The following KIF21B variants were observed in gnomAD, a reference collection of about 807,000 sequenced individuals.
The protein encoded by KIF21B is kinesin family member 21B.
KIF21B carries 85 observed loss-of-function variants against 192.9 expected under a neutral mutation model. The ratio of observed to expected loss-of-function variants is 0.44; its 90% confidence interval spans 0.37 to 0.53. The LOEUF (loss-of-function observed/expected upper bound fraction) is 0.53. Ranked by LOEUF, KIF21B falls within the 20% of genes least tolerant of loss-of-function variation. The probability of loss-of-function intolerance (pLI) is 0.00; values close to 1 mark genes in which losing one functional copy is unlikely to be tolerated. For synonymous variants in KIF21B, 832 were observed against 884.6 expected, an observed-to-expected ratio of 0.94 and a Z score of 1.05; for missense variants, 1,716 against 2,194.8, an observed-to-expected ratio of 0.78 and a Z score of 4.36.
intron 29 of KIF21B, 129 bp downstream of exon 29, chr1:200,980,831 C>A: frequency 5.1e-6 from 6 of 1,179,490 alleles, no homozygotes; most frequent in Non-Finnish European, 7.0e-6. Context: ...GGGTAGTAAG[C>A]AAATAGACCC....
chr1:201,003,428 C>T, intron 8 of KIF21B, 158 bp downstream of exon 8: 1 of 712,306 alleles, frequency 1.4e-6, no homozygotes, highest in South Asian at 1.7e-5. Context: ...GCATGCCTGG[C>T]ACACAACTGA....
At chr1:200,974,647 A>G (rs1655424161) in intron 34 of KIF21B, 67 bp downstream of exon 34, 2 of 1,490,094 alleles carry the variant, frequency 1.3e-6, no homozygotes, top group South Asian at 2.3e-5. Flanking sequence ...TGAGCCTCCC[A>G]GCCTCCCCTG....
In KIF21B at chr1:201,000,688, C is replaced by T. The variant is rs766254205; in HGVS notation, c.1466+29G>A. On this transcript the variant is annotated intron_variant, in intron 10 of 34. Transcript: ENST00000461742. This position sits in a 1 kb window ranked among gnomAD's most constrained non-coding sequence, Gnocchi z 6.0. ...TCACCTGGCCGAGGCCCCCAGCCCG[C>T]GCACACCTGCCGGAGCTCACTCACT... 7 of 1,613,950 alleles carry T rather than the reference C, an allele frequency of 4.3e-6. No homozygotes were observed. In the East Asian group the frequency reaches 1.1e-4, roughly 26 times the overall value.
Position 200,976,758 on chromosome 1 carries a change from G to T in KIF21B, c.4443+18C>A, listed in dbSNP as rs766656922. On this transcript the variant is annotated intron_variant, in intron 32 of 34. Transcript: ENST00000461742. ...GAGTGGAAGACCAGCCCCGACCCAG[G>T]CCTCATAGCTGAGGTACCTTAACGT... The T allele has an allele frequency of 1.2e-5, 18 of 1,517,322 alleles. No individual in the cohort carries two copies. Among genetic ancestry groups the T allele is most frequent in the African/African-American group, 2.7e-5 (2 of 72,970 alleles). The allele number at this position is 1,517,322 out of a possible 1,614,324, so 94.0% of individuals were successfully genotyped here.
In KIF21B at chr1:201,000,574, A is replaced by C. The variant is rs750173633; in HGVS notation, c.1501T>G (p.Ser501Ala). ...KLLESEAMNE[S>A]LRRSLSRASA... ...GCCCGTGAGAGGCTGCGGCGCAGGG[A>C]CTCGTTCATGGCTTCACTCTCTAGA... is the stretch of plus-strand genomic sequence containing the variant. Residue 501 changes from serine to alanine, a missense_variant, in exon 11 of 35, where the codon TCC becomes GCC. By Grantham distance (99) the Ser-to-Ala change is moderately conservative. Around this residue, in one of 3 missense-constraint regions of KIF21B, gnomAD observed 1,087 missense variants for 1,316.6 expected, o/e 0.83. Coordinates refer to ENST00000461742, the MANE Select transcript of KIF21B (RefSeq NM_001252102.2). The surrounding 1 kb of genome is among the most constrained non-coding windows in gnomAD (Gnocchi z 6.0). The C allele has an allele frequency of 6.2e-7, 1 of 1,613,272 alleles. No homozygotes were observed. The highest frequency in any genetic ancestry group is 8.5e-7 in the Non-Finnish European group (1 of 1,179,846).
chr1:200,978,901 G>A (rs1655735950), intron 30 of KIF21B, among the ~76,000 whole-genome samples: 1 of 152,072 alleles, frequency 6.6e-6, no homozygotes, highest in Non-Finnish European at 1.5e-5. Context: ...TGTTGCCCAG[G>A]CTGGTCTTGA....
intron 3 of KIF21B, among the ~76,000 whole-genome samples, chr1:201,008,134 G>C (rs960841805): frequency 3.9e-5 from 6 of 152,212 alleles, no homozygotes; most frequent in African/African-American, 1.4e-4. Context: ...TGCCCTTACT[G>C]AGTGGGGGCT....
At chr1:201,022,344 G>C (rs1658889362) in intron 1 of KIF21B, among the ~76,000 whole-genome samples, 2 of 152,174 alleles carry the variant, frequency 1.3e-5, no homozygotes, top group Admixed American at 6.5e-5. Context: ...ACAGGGCTGG[G>C]GCAGAGATAG....
intron 1 of KIF21B, among the ~76,000 whole-genome samples, chr1:201,022,275 G>A (rs1308531165): frequency 6.6e-6 from 1 of 152,144 alleles, no homozygotes; most frequent in Non-Finnish European, 1.5e-5. Context: ...TGACCCAAGG[G>A]ATCTAGAGAC....
At chr1:200,978,223 A>G (rs560765667) in intron 30 of KIF21B, among the ~76,000 whole-genome samples, 3 of 151,134 alleles carry the variant, frequency 2.0e-5, no homozygotes, top group South Asian at 2.1e-4. Context: ...CTAATTTTGT[A>G]TTTTTAGTAG....
Position 201,003,698 on chromosome 1 carries a change from G to T in KIF21B, c.1100C>A (p.Ala367Asp), listed in dbSNP as rs1173856202. 6.2e-7 allele frequency: 1 copy of T among 1,614,192 alleles called. No individual in the cohort carries two copies. The highest frequency in any genetic ancestry group is 1.7e-5 in the Admixed American group (1 of 60,028). The change falls in exon 8 of 35, where the codon GCC (alanine) becomes GAC (aspartate). Residue 367 changes from alanine (A) to aspartate (D), a missense_variant. This residue lies in a region of KIF21B where 1,087 missense variants were observed against 1,316.6 expected (regional missense o/e 0.83). Coordinates refer to ENST00000461742, the MANE Select transcript of KIF21B (RefSeq NM_001252102.2). ...TACCACCTTGTTCTTGATGTTGCGG[G>T]CCCGATTGGCATATTTGAGTGTGTT... ...TLNTLKYANRARNIKNKVVVN... is the reference protein window; with the variant it reads ...TLNTLKYANRDRNIKNKVVVN...
intron 1 of KIF21B, among the ~76,000 whole-genome samples, chr1:201,010,419 TATCTCC>T (rs1201781822): frequency 1.3e-5 from 2 of 151,960 alleles, no homozygotes; most frequent in African/African-American, 2.4e-5. Context: ...TGGACACAAC[TATCTCC>T]ATCCAGCCAC....
Position 200,974,791 on chromosome 1 carries a change from G to C in KIF21B, c.4737C>G (p.Pro1579=), listed in dbSNP as rs145657920. 1.2e-6 allele frequency: 2 copies of C among 1,614,126 alleles called. No individual in the cohort carries two copies. Among genetic ancestry groups the C allele is most frequent in the African/African-American group, 1.3e-5 (1 of 74,940 alleles). Residue 1579 remains proline (P), a synonymous_variant, in exon 34 of 35, where the codon CCC becomes CCG. Transcript: ENST00000461742. ...TGTCGTGGCCCTTGATCTCACCGAT[G>C]GGTGTGAAGTTGTCCACGTTCCAGA... The part of the protein sequence containing the change: ...IKVWNVDNFT[P]IGEIKGHDSP...
In KIF21B at chr1:200,990,765, A is replaced by T. The variant is rs75193620; in HGVS notation, c.2688-42T>A. ...AAGGGGATTGGATGGGACTCCTTTT[A>T]ACCTCTGCAGCTCCACTGAGCCCCC... On this transcript the variant is annotated intron_variant, in intron 18 of 34. Coordinates refer to ENST00000461742, the MANE Select transcript of KIF21B (RefSeq NM_001252102.2). This position sits in a 1 kb window ranked among gnomAD's most constrained non-coding sequence, Gnocchi z 5.4. 22,243 of 1,609,582 alleles carry T rather than the reference A, an allele frequency of 0.014. 274 individuals carry two copies. Among genetic ancestry groups the T allele is most frequent in the South Asian group, 0.028 (2,559 of 90,748 alleles).
intron 26 of KIF21B, among the ~76,000 whole-genome samples, chr1:200,985,315 T>C (rs1424884246): frequency 6.6e-6 from 1 of 152,046 alleles, no homozygotes; most frequent in Non-Finnish European, 1.5e-5. Flanking sequence ...TGGTGAGGCC[T>C]CAACTCTACA....
intron 21 of KIF21B, 35 bp from the exon 22 acceptor site, chr1:200,988,966 C>G (rs758216689): frequency 6.3e-7 from 1 of 1,578,452 alleles, no homozygotes; most frequent in South Asian, 1.2e-5. Context: ...AGTTACCCCT[C>G]CTGGGGGTTG....
Position 200,975,504 on chromosome 1 carries a change from T to C in KIF21B, c.4609A>G (p.Ile1537Val). 2 of 1,608,642 alleles carry C rather than the reference T, an allele frequency of 1.2e-6. No individual in the cohort carries two copies. Among genetic ancestry groups the C allele is most frequent in the Non-Finnish European group, 1.7e-6 (2 of 1,175,664 alleles). ...CCCTTTCCTCCTGACCCCACCTGGA[T>C]GAGCTCCTGCTGGTCTAGGTCCCAC... ...KKWDLDQQEL[I>V]QQIPNAHKDW... The change falls in exon 33 of 35, where the codon ATC (isoleucine) becomes GTC (valine). Residue 1537 changes from isoleucine to valine, a missense_variant. Around this residue, in one of 3 missense-constraint regions of KIF21B, gnomAD observed 580 missense variants for 775.5 expected, o/e 0.75. Coordinates refer to ENST00000461742, the MANE Select transcript of KIF21B (RefSeq NM_001252102.2). The surrounding 1 kb of genome is among the most constrained non-coding windows in gnomAD (Gnocchi z 4.3).
chr1:201,009,448 G>C lies in KIF21B; in HGVS notation c.82C>G (p.His28Asp), dbSNP rs766637667. The change falls in exon 2 of 35, where the codon CAC (histidine) becomes GAC (aspartate). Residue 28 changes from histidine to aspartate, a missense_variant. Coordinates refer to ENST00000461742, the MANE Select transcript of KIF21B (RefSeq NM_001252102.2). ...CCCGGGGTAACAGAGGTACAGATGTGACAGCCCTCAATCTTCTCCTTCGAC... is the reference window on the plus strand; with the variant it reads ...CCCGGGGTAACAGAGGTACAGATGTCACAGCCCTCAATCTTCTCCTTCGAC... ...QLSKEKIEGCHICTSVTPGEP... is the reference protein window; with the variant it reads ...QLSKEKIEGCDICTSVTPGEP... The C allele has an allele frequency of 6.2e-7, 1 of 1,614,222 alleles. No individual in the cohort carries two copies. The highest frequency in any genetic ancestry group is 8.5e-7 in the Non-Finnish European group (1 of 1,180,036).
At position 200,999,496 on chromosome 1, in the gene KIF21B, T is replaced by G. The variant is rs1428954693; in HGVS notation, c.1768-30A>C. ...GCACCAGGCACCATTGGGGTGGGCC[T>G]GGCCTCAGAGAGGGGAGCCCAGAAG... On this transcript the variant is annotated intron_variant, in intron 12 of 34. Coordinates refer to ENST00000461742, the MANE Select transcript of KIF21B (RefSeq NM_001252102.2). The surrounding 1 kb of genome is among the most constrained non-coding windows in gnomAD (Gnocchi z 4.7). 2 of 1,607,882 alleles carry G rather than the reference T, an allele frequency of 1.2e-6. No homozygotes were observed. The highest frequency in any genetic ancestry group is 1.7e-5 in the Admixed American group (1 of 59,680).
Sources: gnomAD v4.1 joint callset for allele counts (sites outside exome capture counted in the v4.1 genomes callset) on GRCh38, gnomAD v4.1.1 for gene constraint, gnomAD v4.1.1 regional missense constraint, Gnocchi (gnomAD v3.1) non-coding constraint, MANE v1.5 for transcripts, NCBI Gene and HGNC (gene_info 2026-07-23, HGNC 2026-07-21) for gene names.